Variants in AHI1 observed in about 807,000 individuals in gnomAD.
AHI1 encodes the protein jouberin.
Under a neutral mutation model 149.3 loss-of-function variants are expected in AHI1, and 123 were observed. The ratio of observed to expected loss-of-function variants is 0.82; its 90% CI spans 0.71 to 0.96. The LOEUF (loss-of-function observed/expected upper bound fraction) is 0.96, where lower values mean the gene tolerates loss of function less well. Ranked by LOEUF, AHI1 falls within the 40% of genes least tolerant of loss-of-function variation. The pLI is 0.00. For missense variants in AHI1, 1,439 were observed against 1,422.7 expected (o/e 1.01, Z -0.18); for synonymous variants, 475 against 459.8 (o/e 1.03, Z -0.42).
intron 23 of AHI1, among the ~76,000 whole-genome samples, chr6:135,391,542 C>T (rs1302897184): frequency 2.0e-5 from 3 of 152,068 alleles, no homozygotes; most frequent in South Asian, 4.1e-4. Flanking sequence ...GCGTGTGGGT[C>T]GGGGGTCAGG....
At chr6:135,356,663 C>CT (rs1294246489) in intron 24 of AHI1, among the ~76,000 whole-genome samples, 3 of 152,052 alleles carry the variant, frequency 2.0e-5, no homozygotes, top group Non-Finnish European at 4.4e-5. Flanking sequence ...AATTGCCATT[C>CT]TTTAATTTTT....
intron 28 of AHI1, 96 bp from the exon 29 acceptor site, chr6:135,285,743 A>G: frequency 1.0e-6 from 1 of 1,003,302 alleles, no homozygotes. Flanking sequence ...AGCACAGGTA[A>G]TAAAGGACAT....
chr6:135,309,483 G>GTT lies in AHI1; in HGVS notation c.3427-8927_3427-8926dup, dbSNP rs534230013. On this transcript the variant is annotated intron_variant, in intron 26 of 28. Transcript: ENST00000265602. ...TCCTGGGACACAAATAAGCACTTTA[G>GTT]TTTTTTTTTTTTTTTTGAGACGGAG... Among the ~76,000 whole-genome samples the GTT allele has an allele frequency of 3.5e-4, 49 of 139,568 alleles. 1 individual carries two copies. The highest frequency in any genetic ancestry group is 3.6e-4 in the Non-Finnish European group (23 of 63,320). The allele number at this position is 139,568 out of a possible 152,430, so 91.6% of individuals were successfully genotyped here.
chr6:135,463,709 G>A (rs147749165), intron 7 of AHI1, among the ~76,000 whole-genome samples: 26 of 151,804 alleles, frequency 1.7e-4, no homozygotes, highest in African/African-American at 5.1e-4. Flanking sequence ...GGTTTGTTCC[G>A]TCTTCAAGAG....
At chr6:135,381,644 A>G (rs1776780858) in intron 23 of AHI1, among the ~76,000 whole-genome samples, 3 of 152,240 alleles carry the variant, frequency 2.0e-5, no homozygotes, top group Admixed American at 6.5e-5. Flanking sequence ...TGGGCAAGAT[A>G]AATTTCTAAA....
At chr6:135,426,228 T>C (rs934890195) in intron 20 of AHI1, among the ~76,000 whole-genome samples, 4 of 151,754 alleles carry the variant, frequency 2.6e-5, no homozygotes, top group African/African-American at 7.2e-5. Context: ...TGCTTGGCAA[T>C]TCTACCATTA....
intron 5 of AHI1, among the ~76,000 whole-genome samples, chr6:135,473,513 T>C (rs1413713239): frequency 6.6e-6 from 1 of 152,170 alleles, no homozygotes; most frequent in Non-Finnish European, 1.5e-5. Context: ...CTAACTGTAA[T>C]TGCTGATTTG....
chr6:135,405,885 A>G (rs1272753748), intron 21 of AHI1, among the ~76,000 whole-genome samples: 1 of 148,470 alleles, frequency 6.7e-6, no homozygotes, highest in Admixed American at 6.7e-5. Context: ...GAAAAAAAAA[A>G]GAAAAAGAAA....
chr6:135,322,083 G>A (rs1051770927), intron 25 of AHI1, among the ~76,000 whole-genome samples: 1 of 152,198 alleles, frequency 6.6e-6, no homozygotes, highest in African/African-American at 2.4e-5. Context: ...GATTACAGGC[G>A]TGAGCCACAG....
Position 135,442,741 on chromosome 6 carries a change from A to G in AHI1, c.1780-27T>C, listed in dbSNP as rs1487807413. 1.9e-6 allele frequency: 3 copies of G among 1,572,092 alleles called. No individual in the cohort carries two copies. The South Asian group carries it at 3.6e-5, about 19-fold the overall frequency. ...TAAAAAACATACGTTTAAAAAATAT[A>G]AATTAGCAAACATTAAAACGCGAAG... On this transcript the variant is annotated intron_variant, in intron 13 of 28. Transcript: ENST00000265602.
chr6:135,486,637 A>G (rs115267413), intron 5 of AHI1, among the ~76,000 whole-genome samples: 6 of 152,316 alleles, frequency 3.9e-5, no homozygotes, highest in Admixed American at 2.6e-4. Context: ...TGAGACAGCT[A>G]TAAGTTTCTT....
At chr6:135,490,797 A>G (rs1795151448) in intron 4 of AHI1, 50 bp from the exon 5 acceptor site, 3 of 1,598,028 alleles carry the variant, frequency 1.9e-6, no homozygotes, top group Non-Finnish European at 2.6e-6. Context: ...ATCATAACAC[A>G]CAACCTACAC....
chr6:135,329,002 A>G (rs895225716), intron 24 of AHI1, among the ~76,000 whole-genome samples: 3 of 152,216 alleles, frequency 2.0e-5, no homozygotes, highest in African/African-American at 7.2e-5. Context: ...CTTCAATTCT[A>G]TGAAGGCTGA....
At chr6:135,429,328 T>A (rs1410650991) in intron 18 of AHI1, among the ~76,000 whole-genome samples, 1 of 151,710 alleles carries the variant, frequency 6.6e-6, no homozygotes, top group Non-Finnish European at 1.5e-5. Context: ...TAAGTATTAT[T>A]ATCATCTCTA....
At chr6:135,361,831 AT>A (rs201192751) in intron 23 of AHI1, among the ~76,000 whole-genome samples, 12 of 151,464 alleles carry the variant, frequency 7.9e-5, no homozygotes, top group South Asian at 6.3e-4. Context: ...TTTAAATTTT[AT>A]TTTTTTTGAT....
In AHI1 at chr6:135,411,559, C is replaced by A; in HGVS notation, c.2765-15G>T. The A allele has an allele frequency of 6.5e-7, 1 of 1,539,132 alleles. No homozygotes were observed. The highest frequency in any genetic ancestry group is 8.7e-7 in the Non-Finnish European group (1 of 1,143,204). The stretch of plus-strand genomic sequence containing the variant: ...CTGCTGGGCAACTGAAGAAATGAAT[C>A]CATAATTAGTTAAATCATCATAGCA... On this transcript the variant is annotated splice_polypyrimidine_tract_variant and intron_variant, in intron 20 of 28. Transcript: ENST00000265602.
intron 7 of AHI1, among the ~76,000 whole-genome samples, chr6:135,464,073 G>A (rs1790351484): frequency 2.0e-5 from 3 of 151,790 alleles, no homozygotes; most frequent in Admixed American, 1.3e-4. Flanking sequence ...TAGCAACCCA[G>A]AAGCATACTG....
chr6:135,398,690 C>T (rs1390427556), intron 22 of AHI1, among the ~76,000 whole-genome samples: 1 of 152,166 alleles, frequency 6.6e-6, no homozygotes, highest in Non-Finnish European at 1.5e-5. Context: ...CCTTTACCTC[C>T]TTTTCTCTCT....
intron 26 of AHI1, chr6:135,301,616 A>T (rs1783888422): frequency 1.0e-6 from 1 of 985,456 alleles, no homozygotes; most frequent in African/African-American, 1.7e-5. Flanking sequence ...TATGATTATT[A>T]CTGCTAGCTG....
Sources: gnomAD v4.1 joint callset for allele counts (sites outside exome capture counted in the v4.1 genomes callset) on GRCh38, gnomAD v4.1.1 for gene constraint, MANE v1.5 for transcripts, NCBI Gene and HGNC (gene_info 2026-07-23, HGNC 2026-07-21) for gene names.